Variants in DLG2 observed in about 807,000 individuals in gnomAD.
The protein encoded by DLG2 is discs large MAGUK scaffold protein 2, also known as disks large homolog 2.
Under a neutral mutation model 132.5 loss-of-function variants are expected in DLG2, and 45 were observed. The observed-to-expected ratio is 0.34, with a 90% CI of 0.27 to 0.44. The LOEUF is 0.44. Ranked by LOEUF, DLG2 falls within the 20% of genes least tolerant of loss-of-function variation. The probability of loss-of-function intolerance (pLI) is 1.00; values close to 1 mark genes in which losing one functional copy is unlikely to be tolerated. For synonymous variants in DLG2, 424 were observed against 419.6 expected, an observed-to-expected ratio of 1.01 and a Z score of -0.13; for missense variants, 1,045 against 1,196.9, an observed-to-expected ratio of 0.87 and a Z score of 1.87.
intron 6 of DLG2, among the ~76,000 whole-genome samples, chr11:84,769,720 G>A (rs537409892): frequency 1.3e-5 from 2 of 152,156 alleles, no homozygotes; most frequent in East Asian, 3.9e-4. Flanking sequence ...AAATCTTTAG[G>A]CAGCTAGAGA....
chr11:85,389,901 A>C (rs1466971154), intron 3 of DLG2, among the ~76,000 whole-genome samples: 1 of 152,192 alleles, frequency 6.6e-6, no homozygotes, highest in Non-Finnish European at 1.5e-5. Flanking sequence ...ACACCAAAAT[A>C]GGATCTCCTT....
At chr11:83,962,863 T>G in intron 14 of DLG2, 22 bp downstream of exon 14, 2 of 1,610,696 alleles carry the variant, frequency 1.2e-6, no homozygotes, top group Non-Finnish European at 1.7e-6. Flanking sequence ...GCAAATCCAA[T>G]TAACTAACAG....
chr11:84,389,047 C>A (rs2098782484), intron 7 of DLG2, among the ~76,000 whole-genome samples: 1 of 152,072 alleles, frequency 6.6e-6, no homozygotes, highest in African/African-American at 2.4e-5. Context: ...TGTCAACTCC[C>A]TGCATTTTAT....
intron 6 of DLG2, among the ~76,000 whole-genome samples, chr11:84,924,445 T>C (rs2092902089): frequency 6.6e-6 from 1 of 152,226 alleles, no homozygotes; most frequent in South Asian, 2.1e-4. Flanking sequence ...GATCTTTCTT[T>C]AATATGCTTT....
At chr11:84,049,428 G>C (rs1431624344) in intron 11 of DLG2, among the ~76,000 whole-genome samples, 1 of 151,636 alleles carries the variant, frequency 6.6e-6, no homozygotes, top group East Asian at 1.9e-4. Flanking sequence ...CCAAAACATG[G>C]GCTTCACTCA....
chr11:84,843,109 G>A (rs1277036666), intron 6 of DLG2, among the ~76,000 whole-genome samples: 1 of 151,930 alleles, frequency 6.6e-6, no homozygotes, highest in African/African-American at 2.4e-5. Flanking sequence ...TGAAAAATGT[G>A]TAAAGAAGAT....
intron 3 of DLG2, among the ~76,000 whole-genome samples, chr11:85,511,190 G>C (rs2094058646): frequency 6.6e-6 from 1 of 152,110 alleles, no homozygotes. Flanking sequence ...CATGGACACA[G>C]GAAGGGGAAC....
intron 7 of DLG2, among the ~76,000 whole-genome samples, chr11:84,527,074 G>T (rs576960132): frequency 3.7e-4 from 56 of 152,238 alleles, no homozygotes; most frequent in African/African-American, 1.3e-3. Flanking sequence ...CACCGCTCCC[G>T]GCCCCACTGG....
At chr11:84,811,455 C>T (rs2076548702) in intron 6 of DLG2, among the ~76,000 whole-genome samples, 1 of 152,024 alleles carries the variant, frequency 6.6e-6, no homozygotes, top group Admixed American at 6.6e-5. Flanking sequence ...TATGAGAGTG[C>T]CAAGGAGGGA....
chr11:84,873,888 C>A (rs1359086360), intron 6 of DLG2, among the ~76,000 whole-genome samples: 2 of 152,182 alleles, frequency 1.3e-5, no homozygotes, highest in African/African-American at 4.8e-5. Flanking sequence ...GACTAATGGT[C>A]TAATGACAGT....
At position 83,898,710 on chromosome 11, in the gene DLG2, T is replaced by A. The variant is rs190917030; in HGVS notation, c.1497-24222A>T. On this transcript the variant is annotated intron_variant, in intron 15 of 27. Coordinates refer to ENST00000376104, the MANE Select transcript of DLG2 (RefSeq NM_001142699.3). ...ACCTCTATCCTTCTCCAATTACTCC[T>A]ACATAGTTGTAACACAAGGTATCCT... is the stretch of plus-strand genomic sequence containing the variant. 3.7e-3 allele frequency among the ~76,000 whole-genome samples: 556 copies of A among 152,308 alleles called. 4 individuals are homozygous for A. Among genetic ancestry groups the A allele is most frequent in the Non-Finnish European group, 5.7e-3 (385 of 68,002 alleles).
intron 11 of DLG2, among the ~76,000 whole-genome samples, chr11:84,004,164 A>C (rs1394689902): frequency 6.6e-6 from 1 of 152,140 alleles, no homozygotes; most frequent in Non-Finnish European, 1.5e-5. Flanking sequence ...ATTCCTGACG[A>C]ACACATCTTC....
At chr11:83,819,045 G>C (rs1016581387) in intron 17 of DLG2, among the ~76,000 whole-genome samples, 19 of 152,090 alleles carry the variant, frequency 1.2e-4, no homozygotes, top group African/African-American at 4.1e-4. Flanking sequence ...AACAGAAACA[G>C]TGTGATTTTT....
intron 6 of DLG2, among the ~76,000 whole-genome samples, chr11:84,904,182 G>T (rs2091247698): frequency 1.3e-5 from 2 of 152,012 alleles, no homozygotes; most frequent in South Asian, 2.1e-4. Flanking sequence ...AGACCCATAC[G>T]CACCAAGTCT....
chr11:84,874,458 A>G (rs898606293), intron 6 of DLG2, among the ~76,000 whole-genome samples: 1 of 152,156 alleles, frequency 6.6e-6, no homozygotes, highest in African/African-American at 2.4e-5. Context: ...GGCCTGAGAT[A>G]AGGCTGGCAG....
chr11:84,066,188 C>A (rs537545993), intron 10 of DLG2, among the ~76,000 whole-genome samples: 1 of 151,980 alleles, frequency 6.6e-6, no homozygotes, highest in Non-Finnish European at 1.5e-5. Flanking sequence ...ACCTATATAA[C>A]AAACATGCAC....
intron 21 of DLG2, among the ~76,000 whole-genome samples, chr11:83,510,787 A>G (rs1176100782): frequency 6.7e-6 from 1 of 149,458 alleles, no homozygotes; most frequent in Non-Finnish European, 1.5e-5. Flanking sequence ...TCACATTTAC[A>G]ATGTGAGAGC....
At position 85,344,801 on chromosome 11, in the gene DLG2, T is replaced by G. The variant is rs185024550; in HGVS notation, c.41-59436A>C. On this transcript the variant is annotated intron_variant, in intron 3 of 27. Coordinates refer to ENST00000376104, the MANE Select transcript of DLG2 (RefSeq NM_001142699.3). ...GTTGGATTTCCCTTAAACATGTCAT[T>G]AAATGTTTTTCAATTCCTGCTTACT... 2.0e-5 allele frequency among the ~76,000 whole-genome samples: 3 copies of G among 152,298 alleles called. No individual in the cohort carries two copies. The East Asian group carries it at 5.8e-4, about 29-fold the overall frequency.
At chr11:84,371,461 T>TG (rs1219692167) in intron 7 of DLG2, among the ~76,000 whole-genome samples, 1 of 151,918 alleles carries the variant, frequency 6.6e-6, no homozygotes, top group Non-Finnish European at 1.5e-5. Flanking sequence ...TTGCCCAGGC[T>TG]GGTCTCAAAC....
Sources: gnomAD v4.1 joint callset for allele counts (sites outside exome capture counted in the v4.1 genomes callset) on GRCh38, gnomAD v4.1.1 for gene constraint, MANE v1.5 for transcripts, NCBI Gene and HGNC (gene_info 2026-07-23, HGNC 2026-07-21) for gene names.